METTL4: variants seen among roughly 807,000 people sequenced by gnomAD.
METTL4 encodes methyltransferase 4, N6-adenosine, also known as N(6)-adenine-specific methyltransferase METTL4.
In METTL4, 40 loss-of-function variants were observed where a neutral mutation model predicts 54.0. The ratio of observed to expected loss-of-function variants is 0.74; its 90% CI spans 0.58 to 0.96. METTL4 has a LOEUF of 0.96. Among genes scored for constraint, METTL4 ranks in the 50% least tolerant of loss-of-function variants. The pLI, the probability that METTL4 is intolerant of heterozygous loss-of-function variation, is 0.00. For synonymous variants in METTL4, 169 were observed against 183.8 expected (o/e 0.92, Z 0.65); for missense variants, 525 against 549.0 (o/e 0.96, Z 0.44).
chr18:2,566,062 T>A (rs200170288), intron 2 of METTL4, among the ~76,000 whole-genome samples: 59,978 of 130,930 alleles, frequency 0.46, 13,676 homozygotes, highest in Non-Finnish European at 0.5. Context: ...AATAAATAAA[T>A]AAATAAATAA....
chr18:2,546,390 T>A (rs1234016236), intron 6 of METTL4, among the ~76,000 whole-genome samples: 2 of 152,098 alleles, frequency 1.3e-5, no homozygotes. Flanking sequence ...AGCTTTCTCA[T>A]AGGTATGTAT....
At chr18:2,543,920 T>C (rs922975406) in intron 8 of METTL4, among the ~76,000 whole-genome samples, 12 of 152,326 alleles carry the variant, frequency 7.9e-5, no homozygotes, top group African/African-American at 2.9e-4. Context: ...CCCATCAGCA[T>C]TCTTTGTGTC....
intron 3 of METTL4, 78 bp downstream of exon 3, chr18:2,563,719 C>A: frequency 2.0e-6 from 2 of 1,002,586 alleles, no homozygotes; most frequent in South Asian, 1.6e-5. Context: ...GAAAAAAAAT[C>A]CTTATTTATG....
intron 8 of METTL4, among the ~76,000 whole-genome samples, chr18:2,543,032 G>A (rs977464621): frequency 2.7e-5 from 4 of 149,916 alleles, no homozygotes; most frequent in African/African-American, 4.9e-5. Context: ...GCTGAGGCAG[G>A]AGAATCACTT....
rs147937062 is a variant in METTL4, at chr18:2,570,309, T to C, written c.-439+840A>G. 4.4e-3 allele frequency among the ~76,000 whole-genome samples: 667 copies of C among 152,268 alleles called. 4 individuals are homozygous for C. The highest frequency in any genetic ancestry group is 0.024 in the Middle Eastern group (7 of 294). On this transcript the variant is annotated intron_variant, in intron 1 of 8. Transcript: ENST00000574538. ...GGTGCACAGCAGGAATATCAGGAAA[T>C]TGGCAGGCTTGACTTCCTGGCAAAT... is the stretch of plus-strand genomic sequence containing the variant.
intron 1 of METTL4, among the ~76,000 whole-genome samples, chr18:2,569,842 T>C (rs941038865): frequency 1.2e-4 from 19 of 152,210 alleles, no homozygotes; most frequent in African/African-American, 4.6e-4. Flanking sequence ...ACTTCTTTGC[T>C]TTGACCAGAA....
chr18:2,567,500 G>T lies in METTL4; in HGVS notation c.-284C>A, dbSNP rs141605355. 2.3e-3 allele frequency: 530 copies of T among 227,142 alleles called. 4 individuals carry two copies. Among genetic ancestry groups the T allele is most frequent in the African/African-American group, 0.011 (495 of 43,524 alleles). 14.1% of individuals were successfully genotyped at this position (227,142 alleles called of 1,614,324 possible). On this transcript the variant is annotated 5_prime_UTR_variant, in exon 2 of 9. Coordinates refer to ENST00000574538, the MANE Select transcript of METTL4 (RefSeq NM_022840.5). ...CATTTTCAGCCAAAATTTGGCCAAA[G>T]GGGGTTAAAACCTGATCTTATGTCT...
intron 8 of METTL4, chr18:2,540,979 G>A (rs1166626032): frequency 1.1e-6 from 1 of 934,222 alleles, no homozygotes; most frequent in Non-Finnish European, 1.3e-6. Context: ...TGTTTTATGA[G>A]AGTTTACAAT....
At chr18:2,553,722 T>G (rs2072196111) in intron 4 of METTL4, 1 of 152,182 alleles carries the variant, frequency 6.6e-6, no homozygotes, top group Non-Finnish European at 1.5e-5. Context: ...CATAGGTATA[T>G]TTTTGTAAAT....
At chr18:2,555,657 A>G (rs2072228649) in intron 3 of METTL4, among the ~76,000 whole-genome samples, 1 of 152,202 alleles carries the variant, frequency 6.6e-6, no homozygotes, top group Non-Finnish European at 1.5e-5. Context: ...AAACATATAA[A>G]CAAAGTTTTA....
chr18:2,570,356 C>T (rs78802252), intron 1 of METTL4, among the ~76,000 whole-genome samples: 6,509 of 152,230 alleles, frequency 0.043, 172 homozygotes, highest in Middle Eastern at 0.082. Flanking sequence ...CCACTAAATG[C>T]TGAACTGTAC....
chr18:2,566,908 A>G lies in METTL4; in HGVS notation c.309T>C (p.Ala103=). The change falls in exon 2 of 9, where the codon GCT becomes GCC. Residue 103 remains alanine (A), a synonymous_variant. Coordinates refer to ENST00000574538, the MANE Select transcript of METTL4 (RefSeq NM_022840.5). The part of the protein sequence containing the change: ...FDVTKPYITP[A]VHKECQQSNE... ...TACTTTGCTGGCATTCTTTATGAAC[A>G]GCTGGAGTTATATAAGGTTTGGTGA... is the stretch of plus-strand genomic sequence containing the variant. The G allele has an allele frequency of 6.2e-7, 1 of 1,613,942 alleles. No homozygotes were observed.
In METTL4 at chr18:2,554,664, C is replaced by T; in HGVS notation, c.829+5G>A. 1 of 1,586,532 alleles carries T rather than the reference C, an allele frequency of 6.3e-7. No individual in the cohort carries two copies. The highest frequency in any genetic ancestry group is 2.2e-5 in the East Asian group (1 of 44,772). ...TTTCTAATAACAAACACAATAATTA[C>T]TTACAGTTTAGAAGTGGTTGCATAC... On this transcript the variant is annotated splice_donor_5th_base_variant and intron_variant, in intron 4 of 8. Transcript: ENST00000574538.
At chr18:2,564,186 G>C (rs911735730) in intron 2 of METTL4, among the ~76,000 whole-genome samples, 2 of 151,628 alleles carry the variant, frequency 1.3e-5, no homozygotes, top group African/African-American at 2.4e-5. Context: ...GGAGGATCAC[G>C]AGGTCAGAAG....
chr18:2,544,377 G>T, intron 7 of METTL4, 91 bp from the exon 8 acceptor site: 2 of 904,858 alleles, frequency 2.2e-6, no homozygotes, highest in East Asian at 2.7e-5. Context: ...TTCTCTTTCT[G>T]TATCTGATTT....
At position 2,569,355 on chromosome 18, in the gene METTL4, A is replaced by G. The variant is rs1392969936; in HGVS notation, c.-438-1701T>C. Among the ~76,000 whole-genome samples, 10 of 152,350 alleles carry G rather than the reference A, an allele frequency of 6.6e-5. No homozygotes were observed. In the East Asian group the frequency reaches 1.5e-3, roughly 23 times the overall value. On this transcript the variant is annotated intron_variant, in intron 1 of 8. Coordinates refer to ENST00000574538, the MANE Select transcript of METTL4 (RefSeq NM_022840.5). ...ATCATCCTGTCAAGCGACAGGATCA[A>G]GCAAGTATATTTAAATTGATTCCCA...
At position 2,540,394 on chromosome 18, in the gene METTL4, G is replaced by C. The variant is rs796648819; in HGVS notation, c.1274-1249C>G. The C allele has an allele frequency of 1.5e-5, 15 of 980,056 alleles. No homozygotes were observed. In the African/African-American group the frequency reaches 2.6e-4, roughly 17 times the overall value. 60.7% of individuals were successfully genotyped at this position (980,056 alleles called of 1,614,324 possible). On this transcript the variant is annotated intron_variant, in intron 8 of 8. Coordinates refer to ENST00000574538, the MANE Select transcript of METTL4 (RefSeq NM_022840.5). Reference sequence around the variant, plus strand: ...AATCTATCAAATTTAGGAATGATAAGGGTTCTTTAGGAATACTAGAGACAG... The same window carrying C: ...AATCTATCAAATTTAGGAATGATAACGGTTCTTTAGGAATACTAGAGACAG...
At chr18:2,552,849 T>C in intron 4 of METTL4, 85 bp from the exon 5 acceptor site, 1 of 824,678 alleles carries the variant, frequency 1.2e-6, no homozygotes, top group Non-Finnish European at 2.0e-6. Flanking sequence ...ACTCAAGTGA[T>C]TTCACTACGG....
In METTL4 at chr18:2,555,056, G is replaced by A. The variant is rs1271741894; in HGVS notation, c.460-18C>T. The A allele has an allele frequency of 3.7e-6, 6 of 1,601,784 alleles. No homozygotes were observed. The South Asian group carries it at 6.8e-5, about 18-fold the overall frequency. On this transcript the variant is annotated intron_variant, in intron 3 of 8. Transcript: ENST00000574538. ...TCCCTGATCTGTAAGAGAATTTTAA[G>A]TACATTAAAAGAACGTTGACATTAA...
Sources: allele counts gnomAD v4.1 joint callset (sites outside exome capture counted in the v4.1 genomes callset), GRCh38; gene constraint gnomAD v4.1.1; transcripts MANE v1.5; gene names NCBI Gene and HGNC (gene_info 2026-07-23, HGNC 2026-07-21).